RAVER2: variants seen among roughly 807,000 people sequenced by gnomAD.
RAVER2 encodes the protein ribonucleoprotein PTB-binding 2.
Under a neutral mutation model 78.1 loss-of-function variants are expected in RAVER2, and 46 were observed. The ratio of observed to expected loss-of-function variants is 0.59; its 90% CI spans 0.46 to 0.75. The LOEUF (loss-of-function observed/expected upper bound fraction) is 0.75. Ranked by LOEUF, RAVER2 falls within the 30% of genes least tolerant of loss-of-function variation. The pLI, the probability that RAVER2 is intolerant of heterozygous loss-of-function variation, is 0.00. For synonymous variants in RAVER2, 311 were observed against 313.3 expected (o/e 0.99, Z 0.08); for missense variants, 793 against 837.5 (o/e 0.95, Z 0.66).
At chr1:64,812,305 T>C (rs970923143) in intron 9 of RAVER2, among the ~76,000 whole-genome samples, 2 of 137,636 alleles carry the variant, frequency 1.5e-5, no homozygotes, top group African/African-American at 2.9e-5. Flanking sequence ...GAGGTTTCAG[T>C]GAGCTGAGAT....
rs1407659601 is a variant in RAVER2 at position 64,795,889 on chromosome 1, T to C, written c.1105+6375T>C. ...CTCATTTCTGATCTCATGGAGAAAG[T>C]ATTCATTCTTTAATTATTAAGTATT... On this transcript the variant is annotated intron_variant, in intron 5 of 11. Transcript: ENST00000294428. Among the ~76,000 whole-genome samples the C allele has an allele frequency of 2.0e-5, 3 of 152,018 alleles. No homozygotes were observed. The East Asian group carries it at 5.8e-4, about 29-fold the overall frequency.
At chr1:64,779,215 A>G (rs1314714099) in intron 3 of RAVER2, among the ~76,000 whole-genome samples, 1 of 151,924 alleles carries the variant, frequency 6.6e-6, no homozygotes, top group Admixed American at 6.6e-5. Context: ...TGTTGTCCAA[A>G]AGATCTTTTG....
chr1:64,779,241 T>C (rs1368987886), intron 3 of RAVER2, among the ~76,000 whole-genome samples: 1 of 152,032 alleles, frequency 6.6e-6, no homozygotes, highest in Non-Finnish European at 1.5e-5. Context: ...ATTTCTCTTA[T>C]CTAACTGAAA....
intron 2 of RAVER2, among the ~76,000 whole-genome samples, chr1:64,774,984 T>C (rs1396210559): frequency 6.6e-6 from 1 of 152,182 alleles, no homozygotes; most frequent in East Asian, 1.9e-4. Context: ...GTTTGTCTGT[T>C]ATTGGTGTAT....
rs537331033 is a variant in RAVER2 at position 64,823,782 on chromosome 1, A to G, written c.1930-7057A>G. Among the ~76,000 whole-genome samples the G allele has an allele frequency of 3.3e-5, 5 of 151,262 alleles. No homozygotes were observed. In the South Asian group the frequency reaches 1.1e-3, roughly 32 times the overall value. On this transcript the variant is annotated intron_variant, in intron 11 of 11. Transcript: ENST00000294428. ...ATGTAAGAGGTTTTTCAGCTGTTTG[A>G]TATGACTGTGTAAGTTGTGATTTTT...
At chr1:64,803,789 G>A (rs1333952267) in intron 6 of RAVER2, among the ~76,000 whole-genome samples, 1 of 152,092 alleles carries the variant, frequency 6.6e-6, no homozygotes, top group African/African-American at 2.4e-5. Context: ...TAGACATTGT[G>A]CTAATCATTG....
intron 1 of RAVER2, among the ~76,000 whole-genome samples, chr1:64,753,401 G>T (rs2100803476): frequency 6.6e-6 from 1 of 151,878 alleles, no homozygotes; most frequent in East Asian, 1.9e-4. Flanking sequence ...CCACAAATAA[G>T]GTATCCTATT....
chr1:64,811,809 G>T (rs1452561912), intron 9 of RAVER2, among the ~76,000 whole-genome samples: 1 of 152,122 alleles, frequency 6.6e-6, no homozygotes, highest in East Asian at 1.9e-4. Context: ...CACTGTGTAG[G>T]GGGTTGGCAC....
intron 1 of RAVER2, among the ~76,000 whole-genome samples, chr1:64,763,112 A>G (rs561666965): frequency 1.3e-5 from 2 of 152,040 alleles, no homozygotes; most frequent in Admixed American, 1.3e-4. Flanking sequence ...GATCGAGACC[A>G]TCCTGGCTAA....
intron 11 of RAVER2, among the ~76,000 whole-genome samples, chr1:64,818,665 A>T (rs1487466292): frequency 1.3e-5 from 2 of 152,228 alleles, no homozygotes; most frequent in East Asian, 3.8e-4. Flanking sequence ...ACATCACTGT[A>T]TGGTATTTGT....
chr1:64,785,757 C>T (rs1652763704), intron 4 of RAVER2, among the ~76,000 whole-genome samples: 1 of 152,122 alleles, frequency 6.6e-6, no homozygotes, highest in Non-Finnish European at 1.5e-5. Flanking sequence ...CTCCTTCCTA[C>T]CATACCTATC....
At chr1:64,818,515 G>A (rs766407354) in intron 11 of RAVER2, among the ~76,000 whole-genome samples, 22 of 152,252 alleles carry the variant, frequency 1.4e-4, no homozygotes, top group Admixed American at 4.6e-4. Flanking sequence ...CAGCCTGGGC[G>A]ACAGAGTGAG....
At chr1:64,785,556 A>G (rs1280838268) in intron 4 of RAVER2, among the ~76,000 whole-genome samples, 1 of 151,922 alleles carries the variant, frequency 6.6e-6, no homozygotes, top group Non-Finnish European at 1.5e-5. Context: ...TTTAGTAGAG[A>G]CGGGGTTTCA....
At chr1:64,807,472 G>T (rs1424918401) in exon 9 of RAVER2, 6 of 1,612,534 alleles carry the variant, frequency 3.7e-6, no homozygotes, top group Non-Finnish European at 5.1e-6. Flanking sequence ...GATAAGTTCA[G>T]GGGTAAGAAA....
chr1:64,825,803 A>G (rs1426388811), intron 11 of RAVER2, among the ~76,000 whole-genome samples: 1 of 152,278 alleles, frequency 6.6e-6, no homozygotes, highest in African/African-American at 2.4e-5. Context: ...CTACATTTAC[A>G]TGAAAATAAA....
chr1:64,746,710 C>T (rs940971577), intron 1 of RAVER2, among the ~76,000 whole-genome samples: 3 of 152,152 alleles, frequency 2.0e-5, no homozygotes, highest in African/African-American at 7.2e-5. Flanking sequence ...TCTTTCCATT[C>T]CGCCATGGTC....
At chr1:64,786,338 T>C (rs757409382) in intron 4 of RAVER2, among the ~76,000 whole-genome samples, 19 of 152,366 alleles carry the variant, frequency 1.2e-4, no homozygotes, top group Middle Eastern at 6.8e-3. Flanking sequence ...TCTTTAATAA[T>C]GGGAAATTTC....
At chr1:64,803,586 CAT>C (rs1044819951) in intron 6 of RAVER2, among the ~76,000 whole-genome samples, 4 of 152,048 alleles carry the variant, frequency 2.6e-5, no homozygotes, top group African/African-American at 9.7e-5. Context: ...TGTTTAAGAA[CAT>C]AGAATTCTAA....
At chr1:64,779,297 C>A (rs1026313670) in intron 3 of RAVER2, among the ~76,000 whole-genome samples, 2 of 152,096 alleles carry the variant, frequency 1.3e-5, no homozygotes, top group Non-Finnish European at 2.9e-5. Context: ...ACACAAATCA[C>A]CCCAGCCCCT....
Sources: gnomAD v4.1 joint callset for allele counts (sites outside exome capture counted in the v4.1 genomes callset) on GRCh38, gnomAD v4.1.1 for gene constraint, MANE v1.5 for transcripts, NCBI Gene and HGNC (gene_info 2026-07-23, HGNC 2026-07-21) for gene names.